The following NUBPL variants were observed in gnomAD, a reference collection of about 807,000 sequenced individuals.
The protein encoded by NUBPL is iron-sulfur cluster transfer protein NUBPL.
In NUBPL, 31 loss-of-function variants were observed where a neutral mutation model predicts 45.7. The observed-to-expected ratio is 0.68, with a 90% CI of 0.51 to 0.92. The LOEUF is 0.92. Among genes scored for constraint, NUBPL ranks in the 40% least tolerant of loss-of-function variants. NUBPL has a pLI of 0.00. For synonymous variants in NUBPL, 144 were observed against 140.9 expected (o/e 1.02, Z -0.15); for missense variants, 401 against 398.7 (o/e 1.01, Z -0.05).
chr14:31,681,710 CTT>C lies in NUBPL; in HGVS notation c.513+8138_513+8139del, dbSNP rs778124257. 2.6e-5 allele frequency among the ~76,000 whole-genome samples: 4 copies of C among 151,920 alleles called. No homozygotes were observed. In the South Asian group the frequency reaches 8.3e-4, roughly 31 times the overall value. On this transcript the variant is annotated intron_variant, in intron 6 of 10. Coordinates refer to ENST00000281081, the MANE Select transcript of NUBPL (RefSeq NM_025152.3). Reference sequence around the variant, plus strand: ...ATTTATCTCTTAGGCGTTGCTTAAACTTTCACAAATTCTGATACGTTGGTGTT... The same window carrying C: ...ATTTATCTCTTAGGCGTTGCTTAAACTCACAAATTCTGATACGTTGGTGTT...
chr14:31,603,964 A>T (rs888439357), intron 4 of NUBPL, among the ~76,000 whole-genome samples: 2 of 152,188 alleles, frequency 1.3e-5, no homozygotes, highest in African/African-American at 4.8e-5. Context: ...AAACTAGTAC[A>T]TGCAGAACAT....
intron 6 of NUBPL, among the ~76,000 whole-genome samples, chr14:31,764,265 T>C (rs1260650548): frequency 6.6e-6 from 1 of 152,188 alleles, no homozygotes; most frequent in African/African-American, 2.4e-5. Context: ...TAATGATGCT[T>C]ATGTAAGTAA....
At chr14:31,586,306 A>G (rs576759332) in intron 3 of NUBPL, among the ~76,000 whole-genome samples, 2 of 152,324 alleles carry the variant, frequency 1.3e-5, no homozygotes, top group Non-Finnish European at 2.9e-5. Context: ...GTGGGTATAA[A>G]TAGTATATTA....
intron 4 of NUBPL, 133 bp from the exon 5 acceptor site, chr14:31,673,222 C>A: frequency 1.5e-6 from 1 of 684,682 alleles, no homozygotes; most frequent in Non-Finnish European, 2.6e-6. Flanking sequence ...CATAACATTA[C>A]GTTGTACCCC....
rs188500908 is a variant in NUBPL, at chr14:31,614,801, C to G, written c.382+15422C>G. 4.6e-4 allele frequency among the ~76,000 whole-genome samples: 70 copies of G among 152,256 alleles called. 1 individual carries two copies. Among genetic ancestry groups the G allele is most frequent in the Admixed American group, 1.3e-3 (20 of 15,288 alleles). On this transcript the variant is annotated intron_variant, in intron 4 of 10. Coordinates refer to ENST00000281081, the MANE Select transcript of NUBPL (RefSeq NM_025152.3). ...TCTCTGTGAACTTACAGTAGACATA[C>G]TAGCCATTGATTATAAGCATCAGTA...
chr14:31,809,798 G>T (rs1362427117), intron 7 of NUBPL, among the ~76,000 whole-genome samples: 2 of 152,168 alleles, frequency 1.3e-5, no homozygotes, highest in African/African-American at 4.8e-5. Context: ...ATGTGTCCCA[G>T]AGATTCTGGT....
At chr14:31,746,728 A>G (rs2038407170) in intron 6 of NUBPL, among the ~76,000 whole-genome samples, 1 of 151,884 alleles carries the variant, frequency 6.6e-6, no homozygotes, top group Non-Finnish European at 1.5e-5. Flanking sequence ...GCATTCCTCC[A>G]CTTCAGTTTT....
intron 4 of NUBPL, among the ~76,000 whole-genome samples, 194 bp downstream of exon 4, chr14:31,599,573 T>C (rs1316812856): frequency 6.6e-6 from 1 of 152,216 alleles, no homozygotes; most frequent in Non-Finnish European, 1.5e-5. Context: ...AAGAGTTAAG[T>C]TCCTATGGCA....
chr14:31,787,722 A>C lies in NUBPL; in HGVS notation c.514-58A>C, dbSNP rs558418989. 9.9e-5 allele frequency: 108 copies of C among 1,093,672 alleles called. No individual in the cohort carries two copies. The African/African-American group carries it at 1.4e-3, about 14-fold the overall frequency. The allele number at this position is 1,093,672 out of a possible 1,614,324, so 67.7% of individuals were successfully genotyped here. A position where few individuals can be genotyped will look rare whatever the true frequency, so the allele number is the denominator to read the frequency against. ...TGTTATTAACACATTAATTTTGTTT[A>C]CATCACTATTCAACATTGAATTTTT... On this transcript the variant is annotated intron_variant, in intron 6 of 10. Coordinates refer to ENST00000281081, the MANE Select transcript of NUBPL (RefSeq NM_025152.3).
chr14:31,834,267 G>A (rs548163658), intron 8 of NUBPL, among the ~76,000 whole-genome samples: 27 of 138,224 alleles, frequency 2.0e-4, no homozygotes, highest in Admixed American at 1.1e-3. Context: ...TGCAACCTCC[G>A]CCTCCTGGGT....
At chr14:31,633,790 T>A (rs896438393) in intron 4 of NUBPL, among the ~76,000 whole-genome samples, 3 of 152,200 alleles carry the variant, frequency 2.0e-5, no homozygotes, top group Admixed American at 2.0e-4. Flanking sequence ...ACCTAATTCT[T>A]TTTCCTTTGA....
At chr14:31,757,712 T>C (rs1170577942) in intron 6 of NUBPL, among the ~76,000 whole-genome samples, 1 of 152,140 alleles carries the variant, frequency 6.6e-6, no homozygotes, top group Non-Finnish European at 1.5e-5. Flanking sequence ...GTACTGTTTA[T>C]TCTTTTTGCT....
At chr14:31,621,639 A>G (rs904557395) in intron 4 of NUBPL, among the ~76,000 whole-genome samples, 23 of 152,178 alleles carry the variant, frequency 1.5e-4, no homozygotes, top group African/African-American at 5.1e-4. Flanking sequence ...ACCAGTCCCA[A>G]TGAAATGAAC....
At chr14:31,617,302 C>T (rs1228460464) in intron 4 of NUBPL, among the ~76,000 whole-genome samples, 1 of 152,142 alleles carries the variant, frequency 6.6e-6, no homozygotes, top group East Asian at 1.9e-4. Flanking sequence ...GCCAGAACTT[C>T]CAGTACTATG....
chr14:31,615,876 T>C (rs898853549), intron 4 of NUBPL, among the ~76,000 whole-genome samples: 3 of 152,206 alleles, frequency 2.0e-5, no homozygotes, highest in Non-Finnish European at 4.4e-5. Context: ...CACCACACTG[T>C]CTTCCACAAT....
intron 6 of NUBPL, among the ~76,000 whole-genome samples, chr14:31,713,322 TTC>T (rs2037618573): frequency 6.6e-6 from 1 of 152,178 alleles, no homozygotes; most frequent in African/African-American, 2.4e-5. Flanking sequence ...CGTCTTTGAG[TTC>T]TTTTATTAAG....
At chr14:31,736,017 C>G (rs1049925142) in intron 6 of NUBPL, among the ~76,000 whole-genome samples, 2 of 152,114 alleles carry the variant, frequency 1.3e-5, no homozygotes, top group African/African-American at 4.8e-5. Flanking sequence ...GTATATATTT[C>G]AGAGGGAGTA....
rs1196108243 is a variant in NUBPL at position 31,620,722 on chromosome 14, C to G, written c.382+21343C>G. On this transcript the variant is annotated intron_variant, in intron 4 of 10. Transcript: ENST00000281081. ...TCCTGTATGAGGTGTCTGTTGGCCC[C>G]TACTGGGAGGTGTCTCCCAGTCAGG... Among the ~76,000 whole-genome samples, 9 of 152,310 alleles carry G rather than the reference C, an allele frequency of 5.9e-5. No individual in the cohort carries two copies. In the East Asian group the frequency reaches 1.7e-3, roughly 29 times the overall value.
At chr14:31,846,292 T>A in intron 8 of NUBPL, 179 bp from the exon 9 acceptor site, 1 of 603,206 alleles carries the variant, frequency 1.7e-6, no homozygotes, top group Non-Finnish European at 3.0e-6. Flanking sequence ...TAATTCTATA[T>A]GTCTTGCTCT....
Sources: allele counts gnomAD v4.1 joint callset (sites outside exome capture counted in the v4.1 genomes callset), GRCh38; gene constraint gnomAD v4.1.1; transcripts MANE v1.5; gene names NCBI Gene and HGNC (gene_info 2026-07-23, HGNC 2026-07-21).